UBE2H: variants seen among roughly 807,000 people sequenced by gnomAD.
UBE2H encodes ubiquitin conjugating enzyme E2 H.
In UBE2H, 3 loss-of-function variants were observed where a neutral mutation model predicts 29.0. The ratio of observed to expected loss-of-function variants is 0.10; its 90% CI spans 0.05 to 0.27. The LOEUF (loss-of-function observed/expected upper bound fraction) is 0.27, where lower values mean the gene tolerates loss of function less well. Among genes scored for constraint, UBE2H ranks in the 10% least tolerant of loss-of-function variants. UBE2H has a pLI of 1.00. For missense variants in UBE2H, 68 were observed against 228.2 expected (o/e 0.30, Z 4.52); for synonymous variants, 69 against 82.9 (o/e 0.83, Z 0.91).
In UBE2H at chr7:129,858,950, A is replaced by T; in HGVS notation, c.206-9T>A. 6.2e-7 allele frequency: 1 copy of T among 1,608,442 alleles called. No individual in the cohort carries two copies. The highest frequency in any genetic ancestry group is 8.5e-7 in the Non-Finnish European group (1 of 1,176,554). On this transcript the variant is annotated splice_polypyrimidine_tract_variant and intron_variant, in intron 3 of 6. Transcript: ENST00000355621. The stretch of plus-strand genomic sequence containing the variant: ...AATTTTATTCATGAATCCTGTAAAA[A>T]GAGATGTTAATTAGCAGCAAAAAGT...
chr7:129,939,475 C>T (rs916805110), intron 1 of UBE2H, among the ~76,000 whole-genome samples: 1 of 152,188 alleles, frequency 6.6e-6, no homozygotes, highest in Non-Finnish European at 1.5e-5. Context: ...GGGTAGTAAA[C>T]ATCCAGCAGT....
In UBE2H at chr7:129,835,039, C is replaced by T. The variant is rs764179898; in HGVS notation, c.450G>A (p.Thr150=). 9.3e-6 allele frequency: 15 copies of T among 1,613,994 alleles called. No individual in the cohort carries two copies. Among genetic ancestry groups the T allele is most frequent in the East Asian group, 4.5e-5 (2 of 44,894 alleles). Residue 150 remains threonine, a synonymous_variant, in exon 7 of 7, where the codon ACG becomes ACA. Transcript: ENST00000355621. ...CTTCCTGTTCTTTCAGCGCCTCCTC[C>T]GTGGCGTATTTCTGGATGTACTCTG... ...KIKEYIQKYA[T]EEALKEQEEG... is the part of the protein sequence containing the mutation.
At position 129,857,029 on chromosome 7, in the gene UBE2H, G is replaced by A. The variant is rs560964057; in HGVS notation, c.298+482C>T. 17 of 153,174 alleles carry A rather than the reference G, an allele frequency of 1.1e-4. No individual in the cohort carries two copies. In the South Asian group the frequency reaches 3.5e-3, roughly 31 times the overall value. 9.5% of individuals were successfully genotyped at this position (153,174 alleles called of 1,614,324 possible). On this transcript the variant is annotated intron_variant, in intron 5 of 6. Transcript: ENST00000355621. ...GTTGATTCCCTGTAAGAGATGGGGT[G>A]TCAATTTCAGCACTGAAGGTAAGGC...
intron 5 of UBE2H, among the ~76,000 whole-genome samples, chr7:129,841,358 T>C (rs1046423500): frequency 1.3e-5 from 2 of 152,214 alleles, no homozygotes; most frequent in African/African-American, 4.8e-5. Flanking sequence ...CTTATCACTG[T>C]AAGGTTAAGA....
chr7:129,936,804 GAA>G (rs1171897255), intron 1 of UBE2H, among the ~76,000 whole-genome samples: 75 of 78,014 alleles, frequency 9.6e-4, no homozygotes, highest in African/African-American at 3.1e-3. Context: ...TCTCTACTAG[GAA>G]AAAAAAAAAA....
chr7:129,890,997 G>A (rs1313440866), intron 1 of UBE2H, among the ~76,000 whole-genome samples: 4 of 151,610 alleles, frequency 2.6e-5, no homozygotes, highest in Non-Finnish European at 5.9e-5. Flanking sequence ...TTAGCTGGGC[G>A]TGGTGGCGGG....
intron 1 of UBE2H, among the ~76,000 whole-genome samples, chr7:129,919,516 T>C (rs977003308): frequency 6.6e-6 from 1 of 152,154 alleles, no homozygotes; most frequent in Non-Finnish European, 1.5e-5. Flanking sequence ...TCTTGAATAA[T>C]GTGGTTTTAC....
intron 6 of UBE2H, among the ~76,000 whole-genome samples, chr7:129,838,143 C>T (rs577844872): frequency 3.9e-5 from 6 of 152,278 alleles, no homozygotes; most frequent in Admixed American, 2.0e-4. Context: ...TATTTTGCTA[C>T]ATAAATTAGA....
chr7:129,864,409 T>G (rs939761915), intron 3 of UBE2H, among the ~76,000 whole-genome samples: 3 of 152,242 alleles, frequency 2.0e-5, no homozygotes, highest in Non-Finnish European at 4.4e-5. Flanking sequence ...TTGTTTCCAT[T>G]AGACCAGGAA....
chr7:129,935,081 G>C (rs1242475456), intron 1 of UBE2H, among the ~76,000 whole-genome samples: 2 of 151,480 alleles, frequency 1.3e-5, no homozygotes, highest in Non-Finnish European at 2.9e-5. Flanking sequence ...TGTATATATA[G>C]AGGTATACAT....
intron 3 of UBE2H, among the ~76,000 whole-genome samples, chr7:129,868,456 T>C (rs981853483): frequency 2.7e-5 from 4 of 149,616 alleles, no homozygotes; most frequent in African/African-American, 9.8e-5. Context: ...GGCGGGCGCC[T>C]GTAGTCCCAG....
chr7:129,942,866 G>C (rs1453506983), intron 1 of UBE2H, among the ~76,000 whole-genome samples: 3 of 151,434 alleles, frequency 2.0e-5, no homozygotes, highest in African/African-American at 7.3e-5. Flanking sequence ...TTTTGAGATG[G>C]AGTCTTGCTC....
At chr7:129,940,794 T>C (rs1807625493) in intron 1 of UBE2H, among the ~76,000 whole-genome samples, 1 of 152,124 alleles carries the variant, frequency 6.6e-6, no homozygotes. Context: ...GAGAAGAAAT[T>C]ACAATAACCA....
intron 3 of UBE2H, among the ~76,000 whole-genome samples, chr7:129,864,000 C>G (rs1220962883): frequency 2.0e-5 from 3 of 152,070 alleles, no homozygotes; most frequent in African/African-American, 7.2e-5. Flanking sequence ...ACCATGTTGG[C>G]CAGGCTGGTC....
chr7:129,873,163 C>A (rs1365031124), intron 3 of UBE2H, among the ~76,000 whole-genome samples: 1 of 151,638 alleles, frequency 6.6e-6, no homozygotes, highest in Non-Finnish European at 1.5e-5. Context: ...GGAATACAGG[C>A]GCCCGCCACC....
chr7:129,855,742 G>A (rs967761175), intron 5 of UBE2H, among the ~76,000 whole-genome samples: 5 of 152,170 alleles, frequency 3.3e-5, no homozygotes, highest in African/African-American at 7.2e-5. Context: ...TATTGAAAAC[G>A]GGGTACTAGC....
intron 1 of UBE2H, among the ~76,000 whole-genome samples, chr7:129,932,047 C>T (rs1807413963): frequency 1.3e-5 from 2 of 151,448 alleles, no homozygotes; most frequent in Non-Finnish European, 2.9e-5. Flanking sequence ...TAGTCTCAAA[C>T]TCCTGACCAC....
intron 2 of UBE2H, 127 bp from the exon 3 acceptor site, chr7:129,879,769 G>C (rs1292899059): frequency 2.8e-5 from 22 of 776,936 alleles, no homozygotes; most frequent in Non-Finnish European, 4.6e-5. Context: ...AAGAGTCAGG[G>C]ACCTACTACA....
At chr7:129,856,917 C>T (rs1308149182) in intron 5 of UBE2H, 1 of 152,162 alleles carries the variant, frequency 6.6e-6, no homozygotes, top group Non-Finnish European at 1.5e-5. Flanking sequence ...AGCTCCCCAA[C>T]CAGGTGATAA....
Sources: allele counts gnomAD v4.1 joint callset (sites outside exome capture counted in the v4.1 genomes callset), GRCh38; gene constraint gnomAD v4.1.1; transcripts MANE v1.5; gene names NCBI Gene and HGNC (gene_info 2026-07-23, HGNC 2026-07-21).